SOX6: variants seen among roughly 807,000 people sequenced by gnomAD.
SOX6 encodes the protein SRY-box transcription factor 6, also known as transcription factor SOX-6.
In SOX6, 11 loss-of-function variants were observed where a neutral mutation model predicts 97.8. That is an observed-to-expected ratio of 0.11 (90% CI 0.07 to 0.19). The LOEUF is 0.19. SOX6 is among the 10% of genes least tolerant of loss of function. SOX6 has a pLI of 1.00. For synonymous variants in SOX6, 360 were observed against 371.4 expected (o/e 0.97, Z 0.35); for missense variants, 810 against 1,039.5 (o/e 0.78, Z 3.04).
chr11:16,302,566 C>CTTTT lies in SOX6; in HGVS notation c.445+15876_445+15879dup, dbSNP rs71044096. On this transcript the variant is annotated intron_variant, in intron 3 of 15. Coordinates refer to ENST00000683767, the MANE Select transcript of SOX6 (RefSeq NM_001367873.1). ...CTACAGCATTTTTTTTTCTTTTTTT[C>CTTTT]TTTTTTTTTTTTTTTTTTTTTTGAG... is the stretch of plus-strand genomic sequence containing the variant. Among the ~76,000 whole-genome samples the CTTTT allele has an allele frequency of 2.2e-3, 194 of 86,972 alleles. 2 individuals are homozygous for CTTTT. Among genetic ancestry groups the CTTTT allele is most frequent in the Non-Finnish European group, 2.6e-3 (125 of 47,298 alleles). 57.1% of individuals were successfully genotyped at this position (86,972 alleles called of 152,430 possible).
intron 6 of SOX6, among the ~76,000 whole-genome samples, chr11:16,150,681 C>T (rs1850436286): frequency 6.6e-6 from 1 of 152,204 alleles, no homozygotes; most frequent in Admixed American, 6.5e-5. Flanking sequence ...TCCTCATTCA[C>T]CCACTTAGCT....
In SOX6 at chr11:16,068,347, G is replaced by A. The variant is rs1326007860; in HGVS notation, c.1102-12446C>T. Among the ~76,000 whole-genome samples the A allele has an allele frequency of 2.6e-5, 4 of 152,176 alleles. No homozygotes were observed. In the East Asian group the frequency reaches 7.7e-4, roughly 29 times the overall value. On this transcript the variant is annotated intron_variant, in intron 9 of 15. Coordinates refer to ENST00000683767, the MANE Select transcript of SOX6 (RefSeq NM_001367873.1). ...AATTAAGCAGCCTAATTTTGTGCTT[G>A]TTTGGCACAGAGAAGAAAGTGTGTC...
chr11:15,979,393 G>T (rs1356739887), intron 15 of SOX6, among the ~76,000 whole-genome samples: 1 of 151,942 alleles, frequency 6.6e-6, no homozygotes, highest in East Asian at 1.9e-4. Context: ...TAGCTTCCTT[G>T]CTACAGGCCA....
chr11:16,441,617 A>C (rs959071886), intron 1 of SOX6, among the ~76,000 whole-genome samples: 3 of 152,234 alleles, frequency 2.0e-5, no homozygotes, highest in African/African-American at 7.2e-5. Flanking sequence ...CTTTTAACAT[A>C]AAATATCCTC....
At chr11:16,379,552 A>T (rs1857745254) in intron 1 of SOX6, among the ~76,000 whole-genome samples, 1 of 152,154 alleles carries the variant, frequency 6.6e-6, no homozygotes, top group African/African-American at 2.4e-5. Context: ...TAAAAATAAG[A>T]TGCCATTTTC....
Position 15,969,060 on chromosome 11 carries a change from A to C in SOX6, c.*3749T>G, listed in dbSNP as rs1321941015. 1.6e-4 allele frequency: 20 copies of C among 127,712 alleles called. No individual in the cohort carries two copies. Among genetic ancestry groups the C allele is most frequent in the African/African-American group, 2.4e-4 (8 of 33,628 alleles). The allele number at this position is 127,712 out of a possible 1,614,324, so 7.9% of individuals were successfully genotyped here. A position where few individuals can be genotyped will look rare whatever the true frequency, so the allele number is the denominator to read the frequency against. On this transcript the variant is annotated 3_prime_UTR_variant, in exon 16 of 16. Transcript: ENST00000683767. ...TTCCTTCTTTTCTCCTTTTCCTTCCATTCCATATGGCTATTTTTTTTTTTT... is the reference window on the plus strand; with the variant it reads ...TTCCTTCTTTTCTCCTTTTCCTTCCCTTCCATATGGCTATTTTTTTTTTTT...
At chr11:16,052,393 T>A (rs939799486) in intron 10 of SOX6, among the ~76,000 whole-genome samples, 2 of 152,172 alleles carry the variant, frequency 1.3e-5, no homozygotes, top group Non-Finnish European at 2.9e-5. Context: ...TTTCTCAGAT[T>A]GTATATAACT....
At chr11:16,110,320 T>G (rs1332758446) in intron 7 of SOX6, 2 of 151,984 alleles carry the variant, frequency 1.3e-5, no homozygotes, top group Non-Finnish European at 2.9e-5. Context: ...CTTGGCTTAC[T>G]TCAATGTTCC....
intron 3 of SOX6, among the ~76,000 whole-genome samples, chr11:16,706,263 A>T (rs1315853626): frequency 6.8e-6 from 1 of 147,786 alleles, no homozygotes; most frequent in Non-Finnish European, 1.5e-5. Flanking sequence ...AACAAAGGAG[A>T]CCCCATTTCT....
In SOX6 at chr11:15,970,170, A is replaced by T. The variant is rs1853259776; in HGVS notation, c.*2639T>A. On this transcript the variant is annotated 3_prime_UTR_variant, in exon 16 of 16. Coordinates refer to ENST00000683767, the MANE Select transcript of SOX6 (RefSeq NM_001367873.1). ...CAGTTTCACATTAGTCAGAAGTGAT[A>T]AAAAATACCATTTATATCCAGTGCT... The T allele has an allele frequency of 6.6e-6, 1 of 152,446 alleles. No homozygotes were observed. The highest frequency in any genetic ancestry group is 1.5e-5 in the Non-Finnish European group (1 of 68,046). The allele number at this position is 152,446 out of a possible 1,614,324, so 9.4% of individuals were successfully genotyped here. A position where few individuals can be genotyped will look rare whatever the true frequency, so the allele number is the denominator to read the frequency against.
chr11:16,423,333 A>C (rs577028155), intron 1 of SOX6, among the ~76,000 whole-genome samples: 13 of 152,304 alleles, frequency 8.5e-5, no homozygotes, highest in African/African-American at 2.6e-4. Flanking sequence ...CTTCTCTGAC[A>C]ACCCTATAAA....
chr11:15,986,199 C>G lies in SOX6; in HGVS notation c.2183+5G>C. 1 of 1,613,880 alleles carries G rather than the reference C, an allele frequency of 6.2e-7. No homozygotes were observed. On this transcript the variant is annotated splice_donor_5th_base_variant and intron_variant, in intron 15 of 15. Transcript: ENST00000683767. ...GCCCAGGTGGCTAAATTCAGGAATA[C>G]TTACCCCACAGTAAAGAACTGCCTC...
chr11:16,522,116 G>C (rs954709759), intron 4 of SOX6, among the ~76,000 whole-genome samples: 4 of 152,090 alleles, frequency 2.6e-5, no homozygotes, highest in Non-Finnish European at 5.9e-5. Context: ...TTCACATTCA[G>C]GAAATACAGA....
chr11:16,720,660 T>A (rs545414592), intron 2 of SOX6, among the ~76,000 whole-genome samples: 76 of 148,674 alleles, frequency 5.1e-4, no homozygotes, highest in African/African-American at 1.7e-3. Flanking sequence ...AACCTGCACA[T>A]TGTGCACATG....
intron 9 of SOX6, among the ~76,000 whole-genome samples, chr11:16,082,270 C>T (rs1416131943): frequency 6.6e-6 from 1 of 152,152 alleles, no homozygotes; most frequent in Non-Finnish European, 1.5e-5. Flanking sequence ...ATAAAGTGAA[C>T]AGTCTGCAGG....
In SOX6 at chr11:16,549,177, AT is replaced by A. The variant is rs1002121271; in HGVS notation, n.609+62903del. The stretch of plus-strand genomic sequence containing the variant: ...AAGTCTACCAGAATAACTAAAAAAA[AT>A]TTTTTTTTGAGGCGGCATTTCACTC... On this transcript the variant is annotated intron_variant and non_coding_transcript_variant, in intron 4 of 5. Coordinates refer to the SOX6 transcript ENST00000524520. Among the ~76,000 whole-genome samples, 327 of 151,804 alleles carry A rather than the reference AT, an allele frequency of 2.2e-3. 2 individuals carry two copies. The highest frequency in any genetic ancestry group is 6.7e-3 in the African/African-American group (276 of 41,428).
At chr11:16,355,665 T>C (rs961535862) in intron 1 of SOX6, among the ~76,000 whole-genome samples, 3 of 152,018 alleles carry the variant, frequency 2.0e-5, no homozygotes, top group African/African-American at 4.8e-5. Context: ...TTTACCATAG[T>C]GCATAAAATA....
intron 6 of SOX6, among the ~76,000 whole-genome samples, chr11:16,135,498 T>A (rs1849937518): frequency 6.6e-6 from 1 of 152,184 alleles, no homozygotes; most frequent in Non-Finnish European, 1.5e-5. Context: ...GGAAGTTGAT[T>A]CCAACCCTCA....
At chr11:16,658,800 G>A (rs1399371504) in intron 3 of SOX6, among the ~76,000 whole-genome samples, 2 of 152,044 alleles carry the variant, frequency 1.3e-5, no homozygotes, top group Non-Finnish European at 2.9e-5. Context: ...ACATATGAAA[G>A]CCCTAAAATT....
Sources: gnomAD v4.1 joint callset for allele counts (sites outside exome capture counted in the v4.1 genomes callset) on GRCh38, gnomAD v4.1.1 for gene constraint, MANE v1.5 for transcripts, NCBI Gene and HGNC (gene_info 2026-07-23, HGNC 2026-07-21) for gene names.